MAP2: variants seen among roughly 807,000 people sequenced by gnomAD.
The protein encoded by MAP2 is microtubule-associated protein 2.
MAP2 carries 14 observed loss-of-function variants against 137.6 expected under a neutral mutation model. That is an observed-to-expected ratio of 0.10 (90% CI 0.07 to 0.16). MAP2 has a LOEUF of 0.16. Ranked by LOEUF, MAP2 falls within the 10% of genes least tolerant of loss-of-function variation. The probability of loss-of-function intolerance (pLI) is 1.00; values close to 1 mark genes in which losing one functional copy is unlikely to be tolerated. For missense variants in MAP2, 2,088 were observed against 2,191.5 expected, an observed-to-expected ratio of 0.95 and a Z score of 0.94; for synonymous variants, 786 against 782.3, an observed-to-expected ratio of 1.00 and a Z score of -0.08.
At chr2:209,673,402 T>C (rs1429529776) in intron 5 of MAP2, among the ~76,000 whole-genome samples, 1 of 151,818 alleles carries the variant, frequency 6.6e-6, no homozygotes, top group Non-Finnish European at 1.5e-5. Flanking sequence ...CAAATACCAA[T>C]GTAAGGGTCT....
At chr2:209,523,933 G>A (rs1559274770) in intron 2 of MAP2, among the ~76,000 whole-genome samples, 1 of 152,042 alleles carries the variant, frequency 6.6e-6, no homozygotes. Flanking sequence ...CCTTCTTAAG[G>A]CTTGTCTCAT....
At chr2:209,508,584 C>CCACACA (rs56195417) in intron 2 of MAP2, among the ~76,000 whole-genome samples, 2 of 145,906 alleles carry the variant, frequency 1.4e-5, no homozygotes, top group African/African-American at 5.3e-5. Flanking sequence ...TCTCTCTGTC[C>CCACACA]CACACACACA....
intron 13 of MAP2, among the ~76,000 whole-genome samples, chr2:209,715,931 C>T (rs770569412): frequency 8.5e-5 from 13 of 152,190 alleles, no homozygotes; most frequent in Non-Finnish European, 1.6e-4. Flanking sequence ...GACTTTTCCT[C>T]TCACTTTCTC....
In MAP2 at chr2:209,694,400, G is replaced by A. The variant is rs1477218364; in HGVS notation, c.2230G>A (p.Asp744Asn). 7 of 1,613,950 alleles carry A rather than the reference G, an allele frequency of 4.3e-6. No individual in the cohort carries two copies. The highest frequency in any genetic ancestry group is 1.7e-5 in the Admixed American group (1 of 59,998). ...TAGTGGAAGTATGGATGAAGGGGAT[G>A]ATTACCTTCCAGCCACCACACCTGC... ...NTSGSMDEGD[D>N]YLPATTPALE... The change falls in exon 8 of 16, where the codon GAT becomes AAT. Residue 744 changes from aspartate to asparagine, a missense_variant. Transcript: ENST00000682079.
At chr2:209,514,262 T>C (rs898525547) in intron 2 of MAP2, among the ~76,000 whole-genome samples, 1 of 152,126 alleles carries the variant, frequency 6.6e-6, no homozygotes, top group African/African-American at 2.4e-5. Flanking sequence ...TTCATAAGTT[T>C]TCTAAGTTTC....
intron 5 of MAP2, among the ~76,000 whole-genome samples, chr2:209,665,600 C>G (rs749102914): frequency 1.3e-5 from 2 of 152,110 alleles, no homozygotes; most frequent in African/African-American, 4.8e-5. Context: ...ATACCAGTAT[C>G]GTCTTGGAAA....
chr2:209,652,765 C>T (rs2094893995), intron 4 of MAP2, among the ~76,000 whole-genome samples: 1 of 152,188 alleles, frequency 6.6e-6, no homozygotes, highest in African/African-American at 2.4e-5. Flanking sequence ...TTCCTTGACT[C>T]TACCATACAG....
chr2:209,648,191 T>C (rs1159131934), intron 4 of MAP2, among the ~76,000 whole-genome samples: 1 of 150,952 alleles, frequency 6.6e-6, no homozygotes. Context: ...AACCTCCGCC[T>C]CCCAGGTTCA....
intron 5 of MAP2, among the ~76,000 whole-genome samples, chr2:209,673,236 G>A (rs1219845559): frequency 6.6e-6 from 1 of 151,652 alleles, no homozygotes; most frequent in Non-Finnish European, 1.5e-5. Context: ...CCTTTTTAAT[G>A]TTTTCCCTCT....
intron 13 of MAP2, among the ~76,000 whole-genome samples, chr2:209,723,015 A>G (rs2071921316): frequency 6.6e-6 from 1 of 152,146 alleles, no homozygotes; most frequent in African/African-American, 2.4e-5. Context: ...GTGAAACCCA[A>G]AGTTTCTTCG....
Position 209,695,292 on chromosome 2 carries a change from C to T in MAP2, c.3122C>T (p.Ala1041Val), listed in dbSNP as rs1275945814. The change falls in exon 8 of 16, where the codon GCT becomes GTT. Residue 1041 changes from alanine (A) to valine (V), a missense_variant. Ala to Val is a moderately conservative substitution (Grantham distance 64). This residue lies in a region of MAP2 where 500 missense variants were observed against 482.9 expected (regional missense o/e 1.04). Transcript: ENST00000682079. Reference sequence around the variant, plus strand: ...AAGGTGGAACAAGGTCTGGATTTTGCTGTCCAGGGTCAACTAGATGTTAAA... The same window carrying T: ...AAGGTGGAACAAGGTCTGGATTTTGTTGTCCAGGGTCAACTAGATGTTAAA... The part of the protein sequence containing the change: ...SKKVEQGLDF[A>V]VQGQLDVKIS... 5 of 1,613,940 alleles carry T rather than the reference C, an allele frequency of 3.1e-6. No homozygotes were observed. Among genetic ancestry groups the T allele is most frequent in the Non-Finnish European group, 4.2e-6 (5 of 1,179,964 alleles).
At chr2:209,623,388 T>C (rs1233706094) in intron 3 of MAP2, among the ~76,000 whole-genome samples, 3 of 152,178 alleles carry the variant, frequency 2.0e-5, no homozygotes, top group Non-Finnish European at 4.4e-5. Flanking sequence ...GTAAAAGACA[T>C]ACACATAGAA....
At chr2:209,577,858 G>A (rs984123990) in intron 2 of MAP2, among the ~76,000 whole-genome samples, 2 of 152,138 alleles carry the variant, frequency 1.3e-5, no homozygotes, top group African/African-American at 4.8e-5. Flanking sequence ...TTGCCAGACT[G>A]GAAATGAAAG....
At chr2:209,507,732 T>C (rs1333866854) in intron 2 of MAP2, 91 bp downstream of exon 2, 2 of 152,158 alleles carry the variant, frequency 1.3e-5, no homozygotes, top group Non-Finnish European at 2.9e-5. Context: ...GAAATATGCT[T>C]GCAATGTGTA....
At chr2:209,691,034 C>G (rs928410251) in intron 7 of MAP2, among the ~76,000 whole-genome samples, 16 of 152,186 alleles carry the variant, frequency 1.1e-4, no homozygotes, top group African/African-American at 3.9e-4. Context: ...AGCTGGTTTT[C>G]CAGTGCTGCA....
chr2:209,657,140 C>T (rs980935268), intron 5 of MAP2, among the ~76,000 whole-genome samples: 3 of 152,104 alleles, frequency 2.0e-5, no homozygotes, highest in African/African-American at 4.8e-5. Flanking sequence ...AGTATTCCAT[C>T]GTATATCTAC....
chr2:209,683,933 A>T (rs533902292), intron 7 of MAP2, among the ~76,000 whole-genome samples: 25 of 152,188 alleles, frequency 1.6e-4, no homozygotes, highest in African/African-American at 5.8e-4. Context: ...AAAATTTAAG[A>T]TGTTAATTAC....
chr2:209,710,307 T>G, intron 13 of MAP2, 53 bp downstream of exon 13: 1 of 1,393,252 alleles, frequency 7.2e-7, no homozygotes, highest in South Asian at 1.3e-5. Context: ...TTACATTGCC[T>G]TCTTCATATT....
chr2:209,583,193 C>CTATCTATCTAT (rs1473156704), intron 3 of MAP2, among the ~76,000 whole-genome samples: 1 of 123,844 alleles, frequency 8.1e-6, no homozygotes, highest in African/African-American at 3.8e-5. Flanking sequence ...ATCTGTCTAT[C>CTATCTATCTAT]CTATCTATCT....
Sources: allele counts gnomAD v4.1 joint callset (sites outside exome capture counted in the v4.1 genomes callset), GRCh38; gene constraint gnomAD v4.1.1; regional missense constraint gnomAD v4.1.1; transcripts MANE v1.5; gene names NCBI Gene and HGNC (gene_info 2026-07-23, HGNC 2026-07-21).